NRXN1: variants seen among roughly 807,000 people sequenced by gnomAD.
The protein encoded by NRXN1 is neurexin 1, also known as neurexin-1.
NRXN1 carries 39 observed loss-of-function variants against 150.9 expected under a neutral mutation model. The observed-to-expected ratio is 0.26, with a 90% CI of 0.20 to 0.34. The LOEUF (loss-of-function observed/expected upper bound fraction) is 0.34. Ranked by LOEUF, NRXN1 falls within the 10% of genes least tolerant of loss-of-function variation. The probability of loss-of-function intolerance (pLI) is 1.00; values close to 1 mark genes in which losing one functional copy is unlikely to be tolerated. For synonymous variants in NRXN1, 924 were observed against 757.0 expected, an observed-to-expected ratio of 1.22 and a Z score of -3.62; for missense variants, 1,815 against 1,949.9, an observed-to-expected ratio of 0.93 and a Z score of 1.30.
intron 18 of NRXN1, among the ~76,000 whole-genome samples, chr2:50,169,490 G>A (rs187044782): frequency 1.9e-3 from 287 of 152,090 alleles, no homozygotes; most frequent in African/African-American, 6.4e-3. Context: ...CAAGGAGGGC[G>A]GATTACGAGG....
Position 50,200,439 on chromosome 2 carries a change from G to A in NRXN1, c.3546+36350C>T, listed in dbSNP as rs534307126. Among the ~76,000 whole-genome samples the A allele has an allele frequency of 9.2e-5, 14 of 152,186 alleles. No homozygotes were observed. The East Asian group carries it at 2.5e-3, about 27-fold the overall frequency. ...GATACTAGTCTTGACCTAAAACAGAGAAGAATAAAAACATAATTGTGAGTT... is the reference window on the plus strand; with the variant it reads ...GATACTAGTCTTGACCTAAAACAGAAAAGAATAAAAACATAATTGTGAGTT... On this transcript the variant is annotated intron_variant, in intron 18 of 22. Coordinates refer to ENST00000401669, the MANE Select transcript of NRXN1 (RefSeq NM_001330078.2).
chr2:50,425,532 G>C (rs994714687), intron 17 of NRXN1, among the ~76,000 whole-genome samples: 1 of 152,142 alleles, frequency 6.6e-6, no homozygotes, highest in African/African-American at 2.4e-5. Flanking sequence ...AGATGGAAGA[G>C]GTGGAACAGC....
At chr2:50,318,131 A>G (rs1388482967) in intron 17 of NRXN1, among the ~76,000 whole-genome samples, 2 of 152,098 alleles carry the variant, frequency 1.3e-5, no homozygotes, top group East Asian at 3.9e-4. Context: ...TAAATAATCT[A>G]ATAGGAAAAA....
chr2:50,473,856 G>A (rs1363634431), intron 15 of NRXN1, among the ~76,000 whole-genome samples: 2 of 151,700 alleles, frequency 1.3e-5, no homozygotes, highest in Non-Finnish European at 2.9e-5. Flanking sequence ...TTGTATGTAG[G>A]GTAAAATCAA....
At chr2:49,997,791 A>G (rs1024418658) in intron 21 of NRXN1, among the ~76,000 whole-genome samples, 5 of 152,266 alleles carry the variant, frequency 3.3e-5, no homozygotes, top group South Asian at 2.1e-4. Flanking sequence ...CCTAGAGTTC[A>G]TCTCTCTAAG....
chr2:50,907,911 G>A (rs932613367), intron 5 of NRXN1, among the ~76,000 whole-genome samples: 1 of 152,000 alleles, frequency 6.6e-6, no homozygotes, highest in Non-Finnish European at 1.5e-5. Flanking sequence ...ATTTGTTATG[G>A]CATCAATAGA....
At chr2:50,409,492 A>G (rs1279403138) in intron 17 of NRXN1, among the ~76,000 whole-genome samples, 6 of 152,366 alleles carry the variant, frequency 3.9e-5, no homozygotes, top group East Asian at 1.9e-4. Context: ...GGTTATAAGT[A>G]GGCTTGTCAT....
intron 21 of NRXN1, among the ~76,000 whole-genome samples, chr2:49,950,699 C>T (rs995932623): frequency 3.3e-5 from 5 of 151,902 alleles, no homozygotes; most frequent in African/African-American, 1.2e-4. Context: ...TTACAATTCA[C>T]CAATAGCATC....
At chr2:50,493,403 C>A (rs551043101) in intron 15 of NRXN1, among the ~76,000 whole-genome samples, 11 of 152,278 alleles carry the variant, frequency 7.2e-5, no homozygotes, top group Non-Finnish European at 1.0e-4. Flanking sequence ...GGTTTCAATG[C>A]CCCACTACAG....
chr2:50,819,050 A>G (rs1290489370), intron 5 of NRXN1, among the ~76,000 whole-genome samples: 1 of 152,174 alleles, frequency 6.6e-6, no homozygotes, highest in African/African-American at 2.4e-5. Context: ...ATGGGAAGAC[A>G]TTGGAACCCT....
At chr2:50,727,459 C>A (rs887189845) in intron 5 of NRXN1, among the ~76,000 whole-genome samples, 7 of 134,770 alleles carry the variant, frequency 5.2e-5, no homozygotes, top group African/African-American at 2.0e-4. Flanking sequence ...CACACACACA[C>A]CTACACATCC....
At chr2:50,496,955 T>A (rs2091669132) in intron 14 of NRXN1, among the ~76,000 whole-genome samples, 1 of 152,208 alleles carries the variant, frequency 6.6e-6, no homozygotes, top group Non-Finnish European at 1.5e-5. Context: ...ATTTAAACAA[T>A]CTGAGTACTT....
intron 16 of NRXN1, among the ~76,000 whole-genome samples, chr2:50,471,936 C>T (rs1342936257): frequency 6.6e-6 from 1 of 151,758 alleles, no homozygotes; most frequent in Non-Finnish European, 1.5e-5. Flanking sequence ...TTGATTAATA[C>T]TCGGTGGAGC....
Position 50,079,087 on chromosome 2 carries a change from ATCTT to A in NRXN1, c.3718+12232_3718+12235del, listed in dbSNP as rs939324650. 2.1e-4 allele frequency among the ~76,000 whole-genome samples: 32 copies of A among 152,018 alleles called. 1 individual carries two copies. The highest frequency in any genetic ancestry group is 7.2e-4 in the African/African-American group (30 of 41,494). On this transcript the variant is annotated intron_variant, in intron 19 of 22. Coordinates refer to ENST00000401669, the MANE Select transcript of NRXN1 (RefSeq NM_001330078.2). The stretch of plus-strand genomic sequence containing the variant: ...TGCTTCCCTATTTATCTATCTGTAT[ATCTT>A]TCTTTCTATCTGTTCAGTTACTTGT...
intron 7 of NRXN1, 66 bp downstream of exon 7, chr2:50,621,160 A>G (rs1414955342): frequency 5.6e-6 from 8 of 1,418,720 alleles, no homozygotes; most frequent in Middle Eastern, 1.8e-4. Context: ...AAGAAAGAAA[A>G]CACACGGCAA....
At chr2:50,730,113 T>C (rs945935159) in intron 5 of NRXN1, among the ~76,000 whole-genome samples, 3 of 152,290 alleles carry the variant, frequency 2.0e-5, no homozygotes, top group East Asian at 3.9e-4. Flanking sequence ...ATCTAAAGGA[T>C]GACATTGAAG....
chr2:50,420,385 A>G (rs2083887176), intron 17 of NRXN1, among the ~76,000 whole-genome samples: 1 of 151,772 alleles, frequency 6.6e-6, no homozygotes, highest in East Asian at 1.9e-4. Flanking sequence ...TGTAATACAC[A>G]CATACATACA....
intron 5 of NRXN1, among the ~76,000 whole-genome samples, chr2:50,886,595 T>C (rs1019617921): frequency 2.0e-5 from 3 of 151,440 alleles, no homozygotes; most frequent in African/African-American, 7.2e-5. Context: ...GGAAGTTATT[T>C]GCTGCTTACA....
rs138711134 is a variant in NRXN1, at chr2:50,859,938, T to C, written c.832+61931A>G. On this transcript the variant is annotated intron_variant, in intron 5 of 22. Coordinates refer to ENST00000401669, the MANE Select transcript of NRXN1 (RefSeq NM_001330078.2). ...ACATTTCTATGTTGTATTGGATACA[T>C]ATTTATAAATTCAAAATTTGGAGAT... Among the ~76,000 whole-genome samples the C allele has an allele frequency of 4.4e-3, 665 of 152,110 alleles. 3 individuals are homozygous for C. The highest frequency in any genetic ancestry group is 0.015 in the African/African-American group (610 of 41,508).
Sources: gnomAD v4.1 joint callset for allele counts (sites outside exome capture counted in the v4.1 genomes callset) on GRCh38, gnomAD v4.1.1 for gene constraint, MANE v1.5 for transcripts, NCBI Gene and HGNC (gene_info 2026-07-23, HGNC 2026-07-21) for gene names.